CDH13: variants seen among roughly 807,000 people sequenced by gnomAD.
CDH13 encodes the protein cadherin-13.
In CDH13, 24 loss-of-function variants were observed where a neutral mutation model predicts 63.8. That is an observed-to-expected ratio of 0.38 (90% CI 0.27 to 0.53). The LOEUF (loss-of-function observed/expected upper bound fraction) is 0.53. Among genes scored for constraint, CDH13 ranks in the 20% least tolerant of loss-of-function variants. The pLI is 0.85. For missense variants in CDH13, 1,049 were observed against 903.1 expected, an observed-to-expected ratio of 1.16 and a Z score of -2.07; for synonymous variants, 503 against 355.3, an observed-to-expected ratio of 1.42 and a Z score of -4.67.
chr16:83,035,068 C>T (rs560638906), intron 3 of CDH13, among the ~76,000 whole-genome samples: 3 of 151,180 alleles, frequency 2.0e-5, no homozygotes, highest in South Asian at 2.1e-4. Context: ...GTAGCTGTGT[C>T]CTTCATAAAA....
rs536954577 is a variant in CDH13 at position 82,896,863 on chromosome 16, C to T, written c.157+38390C>T. The stretch of plus-strand genomic sequence containing the variant: ...TGGTGCAGTCTCGGCTCACTGCAAG[C>T]TCCGCCTCCCAGGTTCACAGCATTC... On this transcript the variant is annotated intron_variant, in intron 2 of 13. Transcript: ENST00000567109. Among the ~76,000 whole-genome samples the T allele has an allele frequency of 1.2e-4, 16 of 135,940 alleles. No homozygotes were observed. In the East Asian group the frequency reaches 2.3e-3, roughly 20 times the overall value. The allele number at this position is 135,940 out of a possible 152,430, so 89.2% of individuals were successfully genotyped here.
Position 83,658,512 on chromosome 16 carries a change from C to T in CDH13, c.1102-12278C>T, listed in dbSNP as rs1443121491. On this transcript the variant is annotated intron_variant, in intron 8 of 13. Transcript: ENST00000567109. ...ATCCTCACCAGCAAGGTCCCATGTC[C>T]TCACCACCAGGTCCCGTATCCTCAC... 2.7e-5 allele frequency among the ~76,000 whole-genome samples: 4 copies of T among 145,844 alleles called. No homozygotes were observed. The East Asian group carries it at 8.6e-4, about 31-fold the overall frequency.
intron 1 of CDH13, among the ~76,000 whole-genome samples, chr16:82,839,251 T>C (rs1010905925): frequency 2.6e-4 from 40 of 152,156 alleles, no homozygotes; most frequent in African/African-American, 9.2e-4. Flanking sequence ...GTCTTTTGGG[T>C]CTGGAAATTG....
chr16:83,438,733 C>G (rs552662811), intron 6 of CDH13, among the ~76,000 whole-genome samples: 1 of 152,300 alleles, frequency 6.6e-6, no homozygotes, highest in African/African-American at 2.4e-5. Context: ...ATTATAATCC[C>G]CCAAATGACA....
intron 5 of CDH13, among the ~76,000 whole-genome samples, chr16:83,226,178 G>T (rs910817773): frequency 6.6e-6 from 1 of 152,064 alleles, no homozygotes; most frequent in East Asian, 1.9e-4. Flanking sequence ...TCGTCTCTTC[G>T]TATTTCCAAG....
At chr16:83,205,386 G>A (rs1338317389) in intron 4 of CDH13, among the ~76,000 whole-genome samples, 1 of 152,098 alleles carries the variant, frequency 6.6e-6, no homozygotes, top group Admixed American at 6.6e-5. Flanking sequence ...ATGATTGAAT[G>A]ACCCAAAGAT....
intron 3 of CDH13, among the ~76,000 whole-genome samples, chr16:83,105,063 A>G (rs1043067281): frequency 6.6e-6 from 1 of 152,130 alleles, no homozygotes; most frequent in African/African-American, 2.4e-5. Flanking sequence ...GGTTTGTTAC[A>G]TAGGTAAACG....
chr16:82,753,448 A>T (rs8056064), intron 1 of CDH13, among the ~76,000 whole-genome samples: 1 of 151,826 alleles, frequency 6.6e-6, no homozygotes. Flanking sequence ...TATAATGACA[A>T]CTCCTAAATC....
rs528532796 is a variant in CDH13, at chr16:83,279,318, T to C, written c.636+61821T>C. On this transcript the variant is annotated intron_variant, in intron 5 of 13. Transcript: ENST00000567109. Reference sequence around the variant, plus strand: ...CCCCGAGGATTTGTTAGTAGAGATTTACATGCCTCCATTCCACTCTTGAGT... The same window carrying C: ...CCCCGAGGATTTGTTAGTAGAGATTCACATGCCTCCATTCCACTCTTGAGT... Among the ~76,000 whole-genome samples, 3 of 152,316 alleles carry C rather than the reference T, an allele frequency of 2.0e-5. No individual in the cohort carries two copies. In the South Asian group the frequency reaches 6.2e-4, roughly 32 times the overall value.
At chr16:83,238,686 C>T (rs994305562) in intron 5 of CDH13, among the ~76,000 whole-genome samples, 1 of 152,158 alleles carries the variant, frequency 6.6e-6, no homozygotes, top group Admixed American at 6.5e-5. Flanking sequence ...ATCTCAGGCA[C>T]CTAAAGTCAA....
Position 82,758,307 on chromosome 16 carries a change from G to A in CDH13, c.46-100055G>A, listed in dbSNP as rs540239098. Among the ~76,000 whole-genome samples, 150 of 152,312 alleles carry A rather than the reference G, an allele frequency of 9.8e-4. 1 individual carries two copies. Among genetic ancestry groups the A allele is most frequent in the African/African-American group, 3.3e-3 (136 of 41,570 alleles). On this transcript the variant is annotated intron_variant, in intron 1 of 13. Coordinates refer to ENST00000567109, the MANE Select transcript of CDH13 (RefSeq NM_001257.5). ...TGAGAATCTCAGAAAACTTGCAACA[G>A]CTGGACATCCAGGTCTCCTGGAAAT... is the stretch of plus-strand genomic sequence containing the variant.
At chr16:83,500,341 C>T (rs1247513940) in intron 7 of CDH13, among the ~76,000 whole-genome samples, 89 of 658 alleles carry the variant, frequency 0.14, 42 homozygotes, top group East Asian at 1. Context: ...TCCTCCTCCT[C>T]CTCCTCCTCC....
intron 5 of CDH13, among the ~76,000 whole-genome samples, chr16:83,279,476 A>C (rs2089094769): frequency 6.6e-6 from 1 of 152,182 alleles, no homozygotes; most frequent in African/African-American, 2.4e-5. Flanking sequence ...GGGAACATTA[A>C]AATCATTCAA....
intron 1 of CDH13, among the ~76,000 whole-genome samples, chr16:82,840,569 C>T (rs2038964404): frequency 6.6e-6 from 1 of 151,224 alleles, no homozygotes; most frequent in Admixed American, 6.6e-5. Flanking sequence ...CCTGTAACCC[C>T]AGCTACTTGG....
chr16:82,905,213 G>A (rs1037363512), intron 2 of CDH13, among the ~76,000 whole-genome samples: 3 of 152,154 alleles, frequency 2.0e-5, no homozygotes, highest in African/African-American at 7.2e-5. Context: ...GCGATTATAT[G>A]GATCATCTCT....
rs1904964827 is a variant in CDH13, at chr16:82,948,441, G to A, written c.158-83569G>A. On this transcript the variant is annotated intron_variant, in intron 2 of 13. Coordinates refer to ENST00000567109, the MANE Select transcript of CDH13 (RefSeq NM_001257.5). The stretch of plus-strand genomic sequence containing the variant: ...TTCTTCCCCCTTTAGAGTTCAGTTT[G>A]CTGTCTTCATCACAGTCCCAAAAAA... Among the ~76,000 whole-genome samples, 3 of 152,118 alleles carry A rather than the reference G, an allele frequency of 2.0e-5. No individual in the cohort carries two copies. In the South Asian group the frequency reaches 6.2e-4, roughly 32 times the overall value.
At chr16:83,356,460 A>G (rs1206326661) in intron 6 of CDH13, among the ~76,000 whole-genome samples, 1 of 152,166 alleles carries the variant, frequency 6.6e-6, no homozygotes, top group Non-Finnish European at 1.5e-5. Flanking sequence ...TCCATCAGTC[A>G]AGACAGGCCA....
chr16:83,323,495 G>T (rs1201903859), intron 5 of CDH13, among the ~76,000 whole-genome samples: 2 of 151,588 alleles, frequency 1.3e-5, no homozygotes, highest in African/African-American at 4.9e-5. Context: ...TTGCCAGGCT[G>T]CTCTCAAACG....
chr16:82,913,981 T>A (rs953646766), intron 2 of CDH13, among the ~76,000 whole-genome samples: 4 of 151,574 alleles, frequency 2.6e-5, no homozygotes, highest in Admixed American at 2.0e-4. Flanking sequence ...AGACACCACT[T>A]GTTAAAATCT....
Sources: allele counts gnomAD v4.1 joint callset (sites outside exome capture counted in the v4.1 genomes callset), GRCh38; gene constraint gnomAD v4.1.1; transcripts MANE v1.5; gene names NCBI Gene and HGNC (gene_info 2026-07-23, HGNC 2026-07-21).